NTM: variants seen among roughly 807,000 people sequenced by gnomAD.
The protein encoded by NTM is IgLON family member 2.
NTM carries 13 observed loss-of-function variants against 42.1 expected under a neutral mutation model. The observed-to-expected ratio is 0.31, with a 90% confidence interval of 0.20 to 0.49. The LOEUF is 0.49. Ranked by LOEUF, NTM falls within the 20% of genes least tolerant of loss-of-function variation. The pLI, the probability that NTM is intolerant of heterozygous loss-of-function variation, is 0.99. For synonymous variants in NTM, 187 were observed against 179.2 expected (o/e 1.04, Z -0.35); for missense variants, 373 against 452.8 (o/e 0.82, Z 1.60).
intron 1 of NTM, among the ~76,000 whole-genome samples, chr11:131,801,639 T>G (rs548760568): frequency 6.6e-6 from 1 of 152,276 alleles, no homozygotes; most frequent in African/African-American, 2.4e-5. Flanking sequence ...TTGCACATTT[T>G]TGTGTTTGTA....
chr11:131,601,280 A>T (rs1031657582), intron 1 of NTM, among the ~76,000 whole-genome samples: 1 of 152,188 alleles, frequency 6.6e-6, no homozygotes, highest in African/African-American at 2.4e-5. Flanking sequence ...AGGCAGAAGG[A>T]GCATGATGGA....
chr11:131,583,224 G>A (rs540783255), intron 1 of NTM, among the ~76,000 whole-genome samples: 1 of 152,264 alleles, frequency 6.6e-6, no homozygotes, highest in South Asian at 2.1e-4. Flanking sequence ...TGGCCCTAGA[G>A]AGTAGAGAAG....
chr11:131,426,637 A>G (rs1383609670), intron 1 of NTM, among the ~76,000 whole-genome samples: 2 of 152,170 alleles, frequency 1.3e-5, no homozygotes, highest in Non-Finnish European at 2.9e-5. Context: ...TGAAATCAGG[A>G]CCCAAAGGCC....
chr11:131,526,357 G>A (rs2136623325), intron 1 of NTM, among the ~76,000 whole-genome samples: 1 of 152,316 alleles, frequency 6.6e-6, no homozygotes, highest in South Asian at 2.1e-4. Context: ...ACTCACAGTA[G>A]GACAGGTCAG....
intron 2 of NTM, among the ~76,000 whole-genome samples, chr11:131,966,070 A>C (rs1046916054): frequency 6.6e-6 from 1 of 152,114 alleles, no homozygotes; most frequent in Non-Finnish European, 1.5e-5. Flanking sequence ...TAGGATGAAG[A>C]ACACTCGAGG....
At chr11:131,386,354 T>C (rs1244629146) in intron 1 of NTM, among the ~76,000 whole-genome samples, 1 of 152,226 alleles carries the variant, frequency 6.6e-6, no homozygotes, top group Non-Finnish European at 1.5e-5. Context: ...TTTGGGATGC[T>C]GAGAAAGTTC....
chr11:131,653,006 C>T (rs1000493829), intron 1 of NTM, among the ~76,000 whole-genome samples: 7 of 152,166 alleles, frequency 4.6e-5, no homozygotes, highest in African/African-American at 1.2e-4. Context: ...TAAAACCCAC[C>T]GATCACAGAC....
intron 3 of NTM, 143 bp from the exon 4 acceptor site, chr11:132,211,879 A>ATTATTAG (rs2082906880): frequency 1.5e-6 from 1 of 680,564 alleles, no homozygotes; most frequent in African/African-American, 1.9e-5. Flanking sequence ...TTTTATGTTT[A>ATTATTAG]AGGTAATTCC....
chr11:131,791,776 C>A (rs2090973370), intron 1 of NTM, among the ~76,000 whole-genome samples: 1 of 152,050 alleles, frequency 6.6e-6, no homozygotes, highest in South Asian at 2.1e-4. Flanking sequence ...ATGAAGAGAC[C>A]CTTAGAAGAC....
intron 1 of NTM, among the ~76,000 whole-genome samples, chr11:131,904,649 T>C (rs2053610846): frequency 6.6e-6 from 1 of 152,162 alleles, no homozygotes; most frequent in African/African-American, 2.4e-5. Context: ...CTTAAAGGCT[T>C]ATGGTAGGAG....
chr11:131,647,374 A>G (rs2065897435), intron 1 of NTM, among the ~76,000 whole-genome samples: 1 of 152,210 alleles, frequency 6.6e-6, no homozygotes, highest in Admixed American at 6.5e-5. Flanking sequence ...GTGCATCTCT[A>G]ACCTTCGGGG....
chr11:131,614,497 A>G (rs1457561011), intron 1 of NTM, among the ~76,000 whole-genome samples: 1 of 152,196 alleles, frequency 6.6e-6, no homozygotes, highest in Non-Finnish European at 1.5e-5. Flanking sequence ...GATGATCTGC[A>G]AAGCTGTGAG....
chr11:131,552,250 T>A (rs534190363), intron 1 of NTM, among the ~76,000 whole-genome samples: 1 of 152,164 alleles, frequency 6.6e-6, no homozygotes, highest in African/African-American at 2.4e-5. Context: ...AACGACGTCA[T>A]GTCATGGTAA....
At chr11:131,554,850 C>A (rs930406755) in intron 1 of NTM, among the ~76,000 whole-genome samples, 1 of 152,154 alleles carries the variant, frequency 6.6e-6, no homozygotes, top group African/African-American at 2.4e-5. Flanking sequence ...CATCATCTCC[C>A]AGCTCTGCTC....
At chr11:131,742,615 T>C (rs1038196475) in intron 1 of NTM, among the ~76,000 whole-genome samples, 1 of 152,224 alleles carries the variant, frequency 6.6e-6, no homozygotes, top group African/African-American at 2.4e-5. Context: ...CTTATGTCAA[T>C]TGTAATATGT....
intron 2 of NTM, among the ~76,000 whole-genome samples, chr11:132,117,630 A>G (rs2064092815): frequency 6.6e-6 from 1 of 152,188 alleles, no homozygotes; most frequent in African/African-American, 2.4e-5. Context: ...CAAAAATAAA[A>G]TAGTACCCCT....
intron 2 of NTM, among the ~76,000 whole-genome samples, chr11:132,014,480 A>G (rs1239795068): frequency 1.3e-5 from 2 of 152,052 alleles, no homozygotes; most frequent in Non-Finnish European, 2.9e-5. Flanking sequence ...TTGTTTCCAT[A>G]GTGGTCGTAC....
chr11:131,749,517 T>A (rs959896318), intron 1 of NTM, among the ~76,000 whole-genome samples: 13 of 152,228 alleles, frequency 8.5e-5, no homozygotes, highest in African/African-American at 2.4e-4. Flanking sequence ...TGTTAGGTGG[T>A]CCCTACCTTG....
In NTM at chr11:132,147,649, C is replaced by A. The variant is rs1416252047; in HGVS notation, c.400+1135C>A. Reference sequence around the variant, plus strand: ...TTATTTTGTGATGTCAGCAGTATAGCCCCTGAGCAGCGGCATGCCAGATCC... The same window carrying A: ...TTATTTTGTGATGTCAGCAGTATAGACCCTGAGCAGCGGCATGCCAGATCC... On this transcript the variant is annotated intron_variant, in intron 3 of 8. Coordinates refer to ENST00000683400, the MANE Select transcript of NTM (RefSeq NM_001352005.2). Among the ~76,000 whole-genome samples, 4 of 152,128 alleles carry A rather than the reference C, an allele frequency of 2.6e-5. No individual in the cohort carries two copies. The East Asian group carries it at 5.8e-4, about 22-fold the overall frequency.
Sources: gnomAD v4.1 joint callset for allele counts (sites outside exome capture counted in the v4.1 genomes callset) on GRCh38, gnomAD v4.1.1 for gene constraint, MANE v1.5 for transcripts, NCBI Gene and HGNC (gene_info 2026-07-23, HGNC 2026-07-21) for gene names.